The following CSMD1 variants were observed in gnomAD, a reference collection of about 807,000 sequenced individuals.
The protein encoded by CSMD1 is CUB and sushi domain-containing protein 1.
Under a neutral mutation model 417.5 loss-of-function variants are expected in CSMD1, and 213 were observed. The observed-to-expected ratio is 0.51, with a 90% CI of 0.46 to 0.57. CSMD1 has a LOEUF of 0.57. Ranked by LOEUF, CSMD1 falls within the 20% of genes least tolerant of loss-of-function variation. The pLI, the probability that CSMD1 is intolerant of heterozygous loss-of-function variation, is 0.00. For missense variants in CSMD1, 6,923 were observed against 4,529.7 expected (o/e 1.53, Z -15.17); for synonymous variants, 2,862 against 1,736.8 (o/e 1.65, Z -16.11).
chr8:4,032,745 G>C (rs1046667892), intron 3 of CSMD1, among the ~76,000 whole-genome samples: 5 of 152,178 alleles, frequency 3.3e-5, no homozygotes, highest in African/African-American at 9.7e-5. Context: ...TCAGTGCTAA[G>C]TTTTGACAAC....
intron 3 of CSMD1, among the ~76,000 whole-genome samples, chr8:4,182,013 C>T (rs534670711): frequency 2.1e-4 from 31 of 144,198 alleles, no homozygotes; most frequent in Non-Finnish European, 4.3e-4. Flanking sequence ...TACACAGAAA[C>T]TCATACACAC....
Position 3,932,002 on chromosome 8 carries a change from G to T in CSMD1, c.818+65901C>A, listed in dbSNP as rs577508647. 2.7e-5 allele frequency among the ~76,000 whole-genome samples: 4 copies of T among 149,592 alleles called. 1 individual carries two copies. Among genetic ancestry groups the T allele is most frequent in the African/African-American group, 7.5e-5 (3 of 40,256 alleles). ...GTATTGATTTAGATGTAGAAATGGG[G>T]GAAAGGAGAAAACAATAATTTTGTG... On this transcript the variant is annotated intron_variant, in intron 5 of 69. Coordinates refer to ENST00000635120, the MANE Select transcript of CSMD1 (RefSeq NM_033225.6).
intron 1 of CSMD1, among the ~76,000 whole-genome samples, chr8:4,905,697 G>A (rs917558848): frequency 2.0e-5 from 3 of 151,720 alleles, no homozygotes; most frequent in Admixed American, 1.3e-4. Context: ...GCGGGCGCCT[G>A]TAGTCCCAGC....
intron 1 of CSMD1, among the ~76,000 whole-genome samples, chr8:4,757,323 T>C (rs1045282286): frequency 6.6e-6 from 1 of 152,194 alleles, no homozygotes; most frequent in Non-Finnish European, 1.5e-5. Context: ...GGCTATCATG[T>C]CTTGAATTTC....
Position 4,267,180 on chromosome 8 carries a change from A to C in CSMD1, c.415+152773T>G, listed in dbSNP as rs1215274528. Among the ~76,000 whole-genome samples the C allele has an allele frequency of 6.9e-5, 7 of 101,072 alleles. 1 individual carries two copies. Among genetic ancestry groups the C allele is most frequent in the African/African-American group, 2.0e-4 (7 of 35,750 alleles). 66.3% of individuals were successfully genotyped at this position (101,072 alleles called of 152,430 possible). On this transcript the variant is annotated intron_variant, in intron 3 of 69. Coordinates refer to ENST00000635120, the MANE Select transcript of CSMD1 (RefSeq NM_033225.6). The stretch of plus-strand genomic sequence containing the variant: ...TGAAACAGTGAAGATAATATTCATT[A>C]ATTCCAAAAAATGCACAACAAAAGA...
intron 6 of CSMD1, among the ~76,000 whole-genome samples, chr8:3,750,326 A>G (rs932344540): frequency 6.7e-6 from 1 of 149,854 alleles, no homozygotes; most frequent in South Asian, 2.1e-4. Flanking sequence ...ATATGTATAT[A>G]TATATCTTAT....
chr8:4,301,090 G>C (rs138541373), intron 3 of CSMD1, among the ~76,000 whole-genome samples: 4 of 152,172 alleles, frequency 2.6e-5, no homozygotes, highest in Non-Finnish European at 4.4e-5. Context: ...TGCCTAATGA[G>C]TTCCCATTGA....
chr8:4,319,381 G>A (rs759173282), intron 3 of CSMD1, among the ~76,000 whole-genome samples: 3 of 151,928 alleles, frequency 2.0e-5, no homozygotes, highest in African/African-American at 7.3e-5. Flanking sequence ...TTGAAATACT[G>A]AGCCTCTGGG....
chr8:3,950,239 A>C (rs1310009737), intron 5 of CSMD1, among the ~76,000 whole-genome samples: 2 of 152,218 alleles, frequency 1.3e-5, no homozygotes, highest in African/African-American at 4.8e-5. Context: ...TGGAAGAATT[A>C]TGATGATGAA....
At chr8:4,435,391 G>T (rs1483229235) in intron 2 of CSMD1, among the ~76,000 whole-genome samples, 3 of 152,184 alleles carry the variant, frequency 2.0e-5, no homozygotes, top group Non-Finnish European at 4.4e-5. Flanking sequence ...CCTGCAGTGT[G>T]ATATCACTCC....
chr8:4,654,611 C>G (rs1804113868), intron 1 of CSMD1, among the ~76,000 whole-genome samples: 1 of 152,044 alleles, frequency 6.6e-6, no homozygotes, highest in Non-Finnish European at 1.5e-5. Flanking sequence ...GTTCATATGG[C>G]TATAGATATC....
intron 3 of CSMD1, among the ~76,000 whole-genome samples, chr8:4,334,659 G>C (rs1800064637): frequency 6.6e-6 from 1 of 152,112 alleles, no homozygotes; most frequent in Admixed American, 6.6e-5. Flanking sequence ...TCTATGGTTA[G>C]AGAAGCTGTA....
At chr8:3,805,119 C>A (rs1052174376) in intron 5 of CSMD1, among the ~76,000 whole-genome samples, 4 of 152,132 alleles carry the variant, frequency 2.6e-5, no homozygotes, top group Non-Finnish European at 4.4e-5. Context: ...GGGAAGGGGT[C>A]TAGAATTGCC....
chr8:4,889,186 G>C (rs767055456), intron 1 of CSMD1, among the ~76,000 whole-genome samples: 4 of 152,106 alleles, frequency 2.6e-5, no homozygotes, highest in African/African-American at 7.3e-5. Flanking sequence ...AATACTGACA[G>C]ACATGCCCCA....
intron 17 of CSMD1, among the ~76,000 whole-genome samples, chr8:3,390,749 G>T (rs138032463): frequency 2.0e-5 from 3 of 151,648 alleles, no homozygotes; most frequent in Admixed American, 2.0e-4. Context: ...CAAATAATCC[G>T]TGTGCAGCTC....
intron 4 of CSMD1, among the ~76,000 whole-genome samples, chr8:4,019,651 T>A (rs1585143681): frequency 6.6e-6 from 1 of 152,190 alleles, no homozygotes; most frequent in East Asian, 1.9e-4. Context: ...GAAAGGGAGC[T>A]GGAACTTAAA....
At chr8:3,687,069 G>C (rs895233352) in intron 7 of CSMD1, among the ~76,000 whole-genome samples, 1 of 152,136 alleles carries the variant, frequency 6.6e-6, no homozygotes, top group Non-Finnish European at 1.5e-5. Context: ...GACAGTATTG[G>C]ATATCAAATA....
intron 3 of CSMD1, among the ~76,000 whole-genome samples, chr8:4,079,699 G>A (rs530817624): frequency 6.6e-6 from 1 of 152,290 alleles, no homozygotes; most frequent in East Asian, 1.9e-4. Flanking sequence ...TAGTAAACTT[G>A]CTTTCTTTCC....
intron 11 of CSMD1, among the ~76,000 whole-genome samples, chr8:3,485,526 T>TACACACACACACAC (rs149963962): frequency 2.2e-5 from 3 of 136,060 alleles, no homozygotes; most frequent in Admixed American, 7.7e-5. Flanking sequence ...TTCATAACAA[T>TACACACACACACAC]ACACACACAC....
Sources: allele counts gnomAD v4.1 joint callset (sites outside exome capture counted in the v4.1 genomes callset), GRCh38; gene constraint gnomAD v4.1.1; transcripts MANE v1.5; gene names NCBI Gene and HGNC (gene_info 2026-07-23, HGNC 2026-07-21).